SEC22C: variants seen among roughly 807,000 people sequenced by gnomAD.
SEC22C encodes the protein vesicle-trafficking protein SEC22c.
Under a neutral mutation model 34.7 loss-of-function variants are expected in SEC22C, and 29 were observed. That is an observed-to-expected ratio of 0.84 (90% CI 0.62 to 1.14). The LOEUF (loss-of-function observed/expected upper bound fraction) is 1.14, where lower values mean the gene tolerates loss of function less well. SEC22C is among the 50% of genes most tolerant of loss of function. SEC22C has a pLI of 0.00. For synonymous variants in SEC22C, 117 were observed against 132.8 expected, an observed-to-expected ratio of 0.88 and a Z score of 0.82; for missense variants, 337 against 369.0, an observed-to-expected ratio of 0.91 and a Z score of 0.71.
upstream of SEC22C, among the ~76,000 whole-genome samples, chr3:42,586,030 C>T (rs537291863): frequency 1.3e-5 from 2 of 152,240 alleles, no homozygotes; most frequent in African/African-American, 2.4e-5. Context: ...CAGACAACTC[C>T]TCTCCTTCCA....
At chr3:42,560,266 T>C (rs569800847) in intron 4 of SEC22C, among the ~76,000 whole-genome samples, 1 of 148,108 alleles carries the variant, frequency 6.8e-6, no homozygotes, top group Non-Finnish European at 1.5e-5. Flanking sequence ...GAATCTTCTT[T>C]ATAACATTTA....
chr3:42,562,104 T>C (rs1426765450), intron 3 of SEC22C, among the ~76,000 whole-genome samples: 1 of 152,198 alleles, frequency 6.6e-6, no homozygotes, highest in Non-Finnish European at 1.5e-5. Context: ...TTAGTATAAA[T>C]CCATTATCAC....
At position 42,551,412 on chromosome 3, in the gene SEC22C, G is replaced by C. The variant is rs1159962493; in HGVS notation, c.*1836C>G. On this transcript the variant is annotated 3_prime_UTR_variant, in exon 7 of 7. Coordinates refer to ENST00000264454, the MANE Select transcript of SEC22C (RefSeq NM_032970.4). ...GCTGGGGTGCAGTGGTGTGATTATAGCTCATGGAAGCCTCAAACTCCTGGA... is the reference window on the plus strand; with the variant it reads ...GCTGGGGTGCAGTGGTGTGATTATACCTCATGGAAGCCTCAAACTCCTGGA... The C allele has an allele frequency of 1.1e-6, 1 of 870,952 alleles. No individual in the cohort carries two copies. Among genetic ancestry groups the C allele is most frequent in the Non-Finnish European group, 1.4e-6 (1 of 725,822 alleles). 54.0% of individuals were successfully genotyped at this position (870,952 alleles called of 1,614,324 possible).
At chr3:42,558,022 GGC>G (rs1256971248) in intron 4 of SEC22C, among the ~76,000 whole-genome samples, 1 of 152,166 alleles carries the variant, frequency 6.6e-6, no homozygotes, top group Non-Finnish European at 1.5e-5. Context: ...GTGGATATTT[GGC>G]CATGTCTGGA....
At position 42,549,950 on chromosome 3, in the gene SEC22C, G is replaced by A. The variant is rs1033311689; in HGVS notation, c.*3298C>T. 4.6e-5 allele frequency: 45 copies of A among 985,384 alleles called. No individual in the cohort carries two copies. Among genetic ancestry groups the A allele is most frequent in the Non-Finnish European group, 5.2e-5 (43 of 829,974 alleles). 61.0% of individuals were successfully genotyped at this position (985,384 alleles called of 1,614,324 possible). A position where few individuals can be genotyped will look rare whatever the true frequency, so the allele number is the denominator to read the frequency against. Reference sequence around the variant, plus strand: ...GGCAGTGGGGCCTCTGGTACTGAGAGGGAATGCCACCCGAATATGCCCCAG... The same window carrying A: ...GGCAGTGGGGCCTCTGGTACTGAGAAGGAATGCCACCCGAATATGCCCCAG... On this transcript the variant is annotated 3_prime_UTR_variant, in exon 7 of 7. Coordinates refer to ENST00000264454, the MANE Select transcript of SEC22C (RefSeq NM_032970.4).
chr3:42,592,226 A>T (rs777755973), intron 1 of SEC22C, among the ~76,000 whole-genome samples: 8 of 150,606 alleles, frequency 5.3e-5, no homozygotes, highest in Admixed American at 6.6e-5. Context: ...TTTTTGAGAC[A>T]GTCTCCCTCT....
At chr3:42,571,927 G>A (rs1406726955) in intron 1 of SEC22C, among the ~76,000 whole-genome samples, 1 of 152,324 alleles carries the variant, frequency 6.6e-6, no homozygotes, top group East Asian at 1.9e-4. Flanking sequence ...CAGCTACTCA[G>A]GAGGCTGAGG....
chr3:42,560,514 T>C (rs997143253), intron 4 of SEC22C, among the ~76,000 whole-genome samples: 10 of 148,892 alleles, frequency 6.7e-5, no homozygotes, highest in African/African-American at 2.2e-4. Flanking sequence ...TTGTCTCTAT[T>C]TGAAAAAAAA....
At position 42,548,048 on chromosome 3, in the gene SEC22C, A is replaced by G. The variant is rs1702077801; in HGVS notation, c.*5200T>C. The stretch of plus-strand genomic sequence containing the variant: ...ATACATAGGATATAAATGGCTATAC[A>G]TTTTTACACACTTTTATACAAGTTT... On this transcript the variant is annotated 3_prime_UTR_variant, in exon 7 of 7. Coordinates refer to ENST00000264454, the MANE Select transcript of SEC22C (RefSeq NM_032970.4). The G allele has an allele frequency of 6.6e-6, 1 of 152,568 alleles. No individual in the cohort carries two copies. Among genetic ancestry groups the G allele is most frequent in the African/African-American group, 2.4e-5 (1 of 41,442 alleles). The allele number at this position is 152,568 out of a possible 1,614,324, so 9.5% of individuals were successfully genotyped here.
At position 42,548,534 on chromosome 3, in the gene SEC22C, T is replaced by C. The variant is rs1702093209; in HGVS notation, c.*4714A>G. 1 of 1,516,172 alleles carries C rather than the reference T, an allele frequency of 6.6e-7. No homozygotes were observed. Among genetic ancestry groups the C allele is most frequent in the Admixed American group, 1.7e-5 (1 of 59,188 alleles). 93.9% of individuals were successfully genotyped at this position (1,516,172 alleles called of 1,614,324 possible). On this transcript the variant is annotated 3_prime_UTR_variant, in exon 7 of 7. Transcript: ENST00000264454. ...TCCACAGGCTCCCTGCTGATGAGAT[T>C]TCCCCAGCAGCAGAAGTTTGACATC... is the stretch of plus-strand genomic sequence containing the variant.
chr3:42,583,010 T>A (rs533989880), upstream of SEC22C, among the ~76,000 whole-genome samples: 19 of 152,320 alleles, frequency 1.2e-4, no homozygotes, highest in East Asian at 3.7e-3. Flanking sequence ...AATGGTTATG[T>A]ACATTTTACC....
At chr3:42,588,705 A>G (rs568029168) in intron 1 of SEC22C, among the ~76,000 whole-genome samples, 1 of 151,984 alleles carries the variant, frequency 6.6e-6, no homozygotes, top group African/African-American at 2.4e-5. Flanking sequence ...AGGTGGGAGG[A>G]TTGTTGTCTG....
chr3:42,599,691 C>CAA (rs1157160087), intron 1 of SEC22C, among the ~76,000 whole-genome samples: 9 of 92,976 alleles, frequency 9.7e-5, no homozygotes, highest in Non-Finnish European at 1.8e-4. Flanking sequence ...GACTCCGTCT[C>CAA]AAAAAAAAAA....
Position 42,551,393 on chromosome 3 carries a change from G to A in SEC22C, c.*1855C>T, listed in dbSNP as rs1702250292. 2.1e-6 allele frequency: 2 copies of A among 946,738 alleles called. No homozygotes were observed. The highest frequency in any genetic ancestry group is 4.9e-5 in the South Asian group (1 of 20,544). 58.6% of individuals were successfully genotyped at this position (946,738 alleles called of 1,614,324 possible). A position where few individuals can be genotyped will look rare whatever the true frequency, so the allele number is the denominator to read the frequency against. On this transcript the variant is annotated 3_prime_UTR_variant, in exon 7 of 7. Transcript: ENST00000264454. ...GTTTCACTCTGTCATGCAGGCTGGGGTGCAGTGGTGTGATTATAGCTCATG... is the reference window on the plus strand; with the variant it reads ...GTTTCACTCTGTCATGCAGGCTGGGATGCAGTGGTGTGATTATAGCTCATG...
rs1321323532 is a variant in SEC22C at position 42,551,511 on chromosome 3, T to A, written c.*1737A>T. On this transcript the variant is annotated 3_prime_UTR_variant, in exon 7 of 7. Transcript: ENST00000264454. ...CATGTGCCATCACATCCGGCTAATT[T>A]TTTTTTTTGTAGAGATGAATCTTAC... 1 of 484,106 alleles carries A rather than the reference T, an allele frequency of 2.1e-6. No homozygotes were observed. The highest frequency in any genetic ancestry group is 1.5e-4 in the East Asian group (1 of 6,540). The allele number at this position is 484,106 out of a possible 1,614,324, so 30.0% of individuals were successfully genotyped here.
chr3:42,568,408 G>A (rs943126480), intron 2 of SEC22C, among the ~76,000 whole-genome samples: 1 of 152,028 alleles, frequency 6.6e-6, no homozygotes. Context: ...TACTCTGACA[G>A]GTCGAGGCAG....
At chr3:42,582,147 C>CG (rs1459226526), upstream of SEC22C, 2 of 152,184 alleles carry the variant, frequency 1.3e-5, no homozygotes, top group Non-Finnish European at 2.9e-5. Flanking sequence ...GGGAGTGTGA[C>CG]GGGGGCGCGC....
rs1577280133 is a variant in SEC22C at position 42,550,121 on chromosome 3, A to C, written c.*3127T>G. ...TGGGCTCTGGCCCCGTGGTTGGGAA[A>C]CCCTTCCTAAGAGCATGGAGCCACA... On this transcript the variant is annotated 3_prime_UTR_variant, in exon 7 of 7. Coordinates refer to ENST00000264454, the MANE Select transcript of SEC22C (RefSeq NM_032970.4). 1 of 985,340 alleles carries C rather than the reference A, an allele frequency of 1.0e-6. No homozygotes were observed. The highest frequency in any genetic ancestry group is 1.2e-6 in the Non-Finnish European group (1 of 829,934). The allele number at this position is 985,340 out of a possible 1,614,324, so 61.0% of individuals were successfully genotyped here.
In SEC22C at chr3:42,548,471, G is replaced by T; in HGVS notation, c.*4777C>A. On this transcript the variant is annotated 3_prime_UTR_variant, in exon 7 of 7. Transcript: ENST00000264454. ...TCAATACACATGGGCAGATGTTTCCGAATCCAGCCATTCCCAGATTTCACT... is the reference window on the plus strand; with the variant it reads ...TCAATACACATGGGCAGATGTTTCCTAATCCAGCCATTCCCAGATTTCACT... 1.1e-6 allele frequency: 1 copy of T among 900,124 alleles called. No individual in the cohort carries two copies. 55.8% of individuals were successfully genotyped at this position (900,124 alleles called of 1,614,324 possible). A position where few individuals can be genotyped will look rare whatever the true frequency, so the allele number is the denominator to read the frequency against.
Sources: allele counts gnomAD v4.1 joint callset (sites outside exome capture counted in the v4.1 genomes callset), GRCh38; gene constraint gnomAD v4.1.1; transcripts MANE v1.5; gene names NCBI Gene and HGNC (gene_info 2026-07-23, HGNC 2026-07-21).